Variants in DIP2B observed in about 807,000 individuals in gnomAD.
DIP2B encodes the protein DIP2 acetate--CoA ligase B (putative), also known as disco-interacting protein 2 homolog B.
DIP2B carries 76 observed loss-of-function variants against 198.0 expected under a neutral mutation model. That is an observed-to-expected ratio of 0.38 (90% confidence interval 0.32 to 0.46). The LOEUF (loss-of-function observed/expected upper bound fraction) is 0.46. Ranked by LOEUF, DIP2B falls within the 20% of genes least tolerant of loss-of-function variation. DIP2B has a pLI of 0.99. For synonymous variants in DIP2B, 701 were observed against 739.1 expected (o/e 0.95, Z 0.84); for missense variants, 1,559 against 1,978.4 (o/e 0.79, Z 4.02).
At position 50,690,933 on chromosome 12, in the gene DIP2B, A is replaced by T. The variant is rs1261222625; in HGVS notation, c.1552-116A>T. 7.9e-6 allele frequency: 6 copies of T among 755,240 alleles called. No individual in the cohort carries two copies. In the South Asian group the frequency reaches 1.1e-4, roughly 14 times the overall value. 46.8% of individuals were successfully genotyped at this position (755,240 alleles called of 1,614,324 possible). ...ATTGCCTTAAATATTCATATTAAAC[A>T]TGTTAAATTCAGCCCATTATGATGG... On this transcript the variant is annotated intron_variant, in intron 12 of 37. Transcript: ENST00000301180.
intron 3 of DIP2B, among the ~76,000 whole-genome samples, chr12:50,647,586 G>A (rs746167148): frequency 6.6e-6 from 1 of 152,122 alleles, no homozygotes; most frequent in Non-Finnish European, 1.5e-5. Context: ...AGAAATTAAG[G>A]AAAAATGGCA....
chr12:50,647,417 G>A (rs987149858), intron 3 of DIP2B, among the ~76,000 whole-genome samples: 1 of 152,154 alleles, frequency 6.6e-6, no homozygotes, highest in African/African-American at 2.4e-5. Flanking sequence ...ATTCCAGGCA[G>A]AAGAAACATA....
intron 36 of DIP2B, among the ~76,000 whole-genome samples, chr12:50,740,799 C>T (rs1940228097): frequency 6.6e-6 from 1 of 152,146 alleles, no homozygotes; most frequent in South Asian, 2.1e-4. Context: ...TTCCATGAAG[C>T]TACCTAGAAA....
chr12:50,595,667 G>A (rs1436674957), intron 1 of DIP2B, among the ~76,000 whole-genome samples: 1 of 152,194 alleles, frequency 6.6e-6, no homozygotes, highest in East Asian at 1.9e-4. Flanking sequence ...CCATTGAGGA[G>A]AATACTACAT....
At chr12:50,671,449 C>T in intron 5 of DIP2B, 51 bp downstream of exon 5, 2 of 1,575,908 alleles carry the variant, frequency 1.3e-6, no homozygotes, top group Non-Finnish European at 1.7e-6. Context: ...ATTTGGCTCC[C>T]AGTATCCAGG....
rs1050992851 is a variant in DIP2B at position 50,739,720 on chromosome 12, ACTCT to A, written c.4354+139_4354+142del. 2.1e-5 allele frequency: 23 copies of A among 1,105,310 alleles called. No individual in the cohort carries two copies. The South Asian group carries it at 3.2e-4, about 15-fold the overall frequency. The allele number at this position is 1,105,310 out of a possible 1,614,324, so 68.5% of individuals were successfully genotyped here. ...TCGGTGACTCTTAAACCCATAAGTG[ACTCT>A]CTCTTCATTTGGAGTCATGCCTTGC... On this transcript the variant is annotated intron_variant, in intron 36 of 37. Transcript: ENST00000301180.
intron 3 of DIP2B, 133 bp downstream of exon 3, chr12:50,640,985 CCAAT>C (rs1198138215): frequency 4.4e-6 from 5 of 1,126,840 alleles, no homozygotes; most frequent in Non-Finnish European, 6.1e-6. Context: ...AACTCATTCA[CCAAT>C]CATTTATTTT....
At chr12:50,726,602 C>T (rs1334869084) in intron 28 of DIP2B, among the ~76,000 whole-genome samples, 2 of 151,900 alleles carry the variant, frequency 1.3e-5, no homozygotes, top group Non-Finnish European at 2.9e-5. Flanking sequence ...CTACCTGCCT[C>T]GGCCTTCCAG....
At chr12:50,739,682 T>A (rs1940205502) in intron 36 of DIP2B, 96 bp downstream of exon 36, 1 of 1,437,208 alleles carries the variant, frequency 7.0e-7, no homozygotes, top group African/African-American at 1.4e-5. Context: ...GTGTGTCTAT[T>A]TAGTTACTCC....
chr12:50,584,006 C>A (rs1034297788), intron 1 of DIP2B, among the ~76,000 whole-genome samples: 7 of 152,246 alleles, frequency 4.6e-5, no homozygotes, highest in African/African-American at 1.4e-4. Flanking sequence ...CAGACCTATT[C>A]TCATTCCCTT....
intron 1 of DIP2B, among the ~76,000 whole-genome samples, chr12:50,523,554 A>G (rs1162169929): frequency 3.9e-5 from 6 of 152,252 alleles, no homozygotes; most frequent in Non-Finnish European, 5.9e-5. Context: ...ATGGAGAATT[A>G]GATAAAATGA....
chr12:50,701,790 C>G (rs1382042137), intron 19 of DIP2B, among the ~76,000 whole-genome samples: 5 of 152,054 alleles, frequency 3.3e-5, no homozygotes, highest in Admixed American at 6.6e-5. Flanking sequence ...TCCATCACTC[C>G]CATGTGCTAG....
chr12:50,668,256 G>A (rs1938790694), intron 4 of DIP2B, among the ~76,000 whole-genome samples: 2 of 152,174 alleles, frequency 1.3e-5, no homozygotes, highest in Non-Finnish European at 2.9e-5. Context: ...TAGGGACTAT[G>A]TCTTCTTGCC....
chr12:50,734,340 A>G, intron 33 of DIP2B, 144 bp downstream of exon 33: 1 of 752,524 alleles, frequency 1.3e-6, no homozygotes, highest in Non-Finnish European at 2.2e-6. Context: ...TGTTTTTATC[A>G]TTAATACATA....
intron 1 of DIP2B, among the ~76,000 whole-genome samples, chr12:50,548,768 C>T (rs1186404180): frequency 6.6e-6 from 1 of 152,146 alleles, no homozygotes; most frequent in African/African-American, 2.4e-5. Flanking sequence ...TCAGGTAATT[C>T]CCCGCCTTGG....
intron 1 of DIP2B, among the ~76,000 whole-genome samples, chr12:50,532,527 CAA>C (rs1958227434): frequency 1.3e-5 from 2 of 151,920 alleles, no homozygotes; most frequent in African/African-American, 4.8e-5. Context: ...AAACAAAAAA[CAA>C]ATAAAAATAA....
At chr12:50,654,718 A>G (rs1938524991) in intron 3 of DIP2B, among the ~76,000 whole-genome samples, 1 of 152,194 alleles carries the variant, frequency 6.6e-6, no homozygotes, top group Non-Finnish European at 1.5e-5. Context: ...TGACATGAAC[A>G]TTCACTTCAC....
intron 9 of DIP2B, among the ~76,000 whole-genome samples, chr12:50,682,536 G>A (rs1374337526): frequency 6.6e-6 from 1 of 150,992 alleles, no homozygotes; most frequent in African/African-American, 2.4e-5. Context: ...GGCTGAGGCA[G>A]GAGAATGGCG....
chr12:50,676,494 C>T (rs948663750), intron 7 of DIP2B, among the ~76,000 whole-genome samples: 1 of 152,166 alleles, frequency 6.6e-6, no homozygotes, highest in Non-Finnish European at 1.5e-5. Context: ...TACTGATGTT[C>T]AAGATGTCCA....
Sources: gnomAD v4.1 joint callset for allele counts (sites outside exome capture counted in the v4.1 genomes callset) on GRCh38, gnomAD v4.1.1 for gene constraint, MANE v1.5 for transcripts, NCBI Gene and HGNC (gene_info 2026-07-23, HGNC 2026-07-21) for gene names.